RALGPS2: variants seen among roughly 807,000 people sequenced by gnomAD.
RALGPS2 encodes the protein Ral GEF with PH domain and SH3 binding motif 2.
Under a neutral mutation model 86.8 loss-of-function variants are expected in RALGPS2, and 43 were observed. The observed-to-expected ratio is 0.50, with a 90% confidence interval of 0.39 to 0.64. The LOEUF (loss-of-function observed/expected upper bound fraction) is 0.64. RALGPS2 is among the 30% of genes least tolerant of loss of function. RALGPS2 has a pLI of 0.00. For synonymous variants in RALGPS2, 243 were observed against 231.3 expected (o/e 1.05, Z -0.46); for missense variants, 536 against 694.6 (o/e 0.77, Z 2.57).
intron 6 of RALGPS2, among the ~76,000 whole-genome samples, chr1:178,815,331 C>T (rs1655175083): frequency 6.6e-6 from 1 of 152,014 alleles, no homozygotes; most frequent in Non-Finnish European, 1.5e-5. Context: ...GTGATCCTCC[C>T]ATCTCGGCCT....
chr1:178,745,457 C>T (rs921135796), intron 1 of RALGPS2, among the ~76,000 whole-genome samples: 4 of 152,114 alleles, frequency 2.6e-5, no homozygotes, highest in Admixed American at 1.3e-4. Context: ...AGAACAGAGT[C>T]CAGAAGTAAG....
chr1:178,737,183 A>G (rs1442482776), intron 1 of RALGPS2, among the ~76,000 whole-genome samples: 1 of 152,198 alleles, frequency 6.6e-6, no homozygotes, highest in Non-Finnish European at 1.5e-5. Flanking sequence ...TTAATTTCAG[A>G]GATTTTAAAA....
chr1:178,767,519 T>C (rs1652566825), intron 1 of RALGPS2, among the ~76,000 whole-genome samples: 1 of 152,136 alleles, frequency 6.6e-6, no homozygotes, highest in African/African-American at 2.4e-5. Flanking sequence ...GCATTTCTTT[T>C]ATTGGATGTT....
intron 1 of RALGPS2, among the ~76,000 whole-genome samples, chr1:178,731,147 A>G (rs1650322842): frequency 6.6e-6 from 1 of 151,822 alleles, no homozygotes; most frequent in South Asian, 2.1e-4. Context: ...AGATGTGTGT[A>G]TTGCTGAAAA....
intron 10 of RALGPS2, 135 bp from the exon 11 acceptor site, chr1:178,883,331 C>G: frequency 1.5e-6 from 1 of 645,946 alleles, no homozygotes; most frequent in Non-Finnish European, 2.7e-6. Context: ...GAAGATTGCT[C>G]TTGAAGAAAA....
chr1:178,759,117 G>A (rs1043881409), intron 1 of RALGPS2, among the ~76,000 whole-genome samples: 4 of 152,216 alleles, frequency 2.6e-5, no homozygotes, highest in Non-Finnish European at 5.9e-5. Flanking sequence ...GCCTGTGCTT[G>A]TGGGGTGTTA....
chr1:178,850,524 A>G (rs1184250908), intron 8 of RALGPS2: 1 of 152,064 alleles, frequency 6.6e-6, no homozygotes, highest in Non-Finnish European at 1.5e-5. Context: ...TATTTTTAAA[A>G]ATGATATGTA....
intron 8 of RALGPS2, chr1:178,865,113 G>T: frequency 6.3e-7 from 1 of 1,578,856 alleles, no homozygotes; most frequent in Non-Finnish European, 8.6e-7. Flanking sequence ...TTAGGAATAT[G>T]TTGTGGCACC....
At chr1:178,813,716 A>G (rs1270008614) in intron 6 of RALGPS2, among the ~76,000 whole-genome samples, 2 of 152,178 alleles carry the variant, frequency 1.3e-5, no homozygotes, top group African/African-American at 4.8e-5. Context: ...CAGGCTGGAA[A>G]CTCAGGAGTT....
At chr1:178,887,527 C>T (rs1659541707) in intron 13 of RALGPS2, among the ~76,000 whole-genome samples, 1 of 152,164 alleles carries the variant, frequency 6.6e-6, no homozygotes, top group African/African-American at 2.4e-5. Flanking sequence ...AATATGTCTT[C>T]ATCTATGATT....
chr1:178,884,038 G>A (rs1486426759), intron 11 of RALGPS2, among the ~76,000 whole-genome samples: 2 of 152,070 alleles, frequency 1.3e-5, no homozygotes, highest in Non-Finnish European at 2.9e-5. Context: ...AAACAAGTAT[G>A]CTACCTAATC....
intron 19 of RALGPS2, among the ~76,000 whole-genome samples, chr1:178,909,274 G>A (rs1660511429): frequency 6.6e-6 from 1 of 152,072 alleles, no homozygotes; most frequent in African/African-American, 2.4e-5. Context: ...TGTTCCATTG[G>A]TATCTGTTTT....
At chr1:178,798,047 A>G (rs1373234142) in intron 4 of RALGPS2, among the ~76,000 whole-genome samples, 1 of 151,256 alleles carries the variant, frequency 6.6e-6, no homozygotes, top group Non-Finnish European at 1.5e-5. Context: ...AGAAAAAGGG[A>G]TGGCGTGAAT....
intron 1 of RALGPS2, among the ~76,000 whole-genome samples, chr1:178,758,536 C>G (rs979098693): frequency 2.0e-5 from 3 of 152,040 alleles, no homozygotes; most frequent in African/African-American, 7.2e-5. Context: ...CTTCCTACCC[C>G]CCCTGCCCTC....
At chr1:178,904,518 G>C (rs1660312825) in intron 18 of RALGPS2, among the ~76,000 whole-genome samples, 1 of 152,164 alleles carries the variant, frequency 6.6e-6, no homozygotes, top group Non-Finnish European at 1.5e-5. Context: ...ATCTTGAGTT[G>C]ATTTTTGTAT....
At chr1:178,873,501 G>A (rs544522254) in intron 8 of RALGPS2, among the ~76,000 whole-genome samples, 2 of 152,340 alleles carry the variant, frequency 1.3e-5, no homozygotes, top group East Asian at 1.9e-4. Flanking sequence ...TATACCGTGA[G>A]TGGGAGTATG....
chr1:178,873,835 A>G (rs1468546090), intron 8 of RALGPS2, among the ~76,000 whole-genome samples: 5 of 152,178 alleles, frequency 3.3e-5, no homozygotes, highest in Non-Finnish European at 5.9e-5. Context: ...AGAAGACCAT[A>G]TTTTTAAATT....
intron 1 of RALGPS2, among the ~76,000 whole-genome samples, chr1:178,732,444 G>A (rs986818010): frequency 3.3e-5 from 5 of 152,122 alleles, no homozygotes; most frequent in Admixed American, 1.3e-4. Context: ...GACTACAGTT[G>A]CGTGCCACCA....
Position 178,741,934 on chromosome 1 carries a change from G to A in RALGPS2, c.-84+16515G>A, listed in dbSNP as rs576982395. Among the ~76,000 whole-genome samples, 75 of 151,874 alleles carry A rather than the reference G, an allele frequency of 4.9e-4. 1 individual carries two copies. Among genetic ancestry groups the A allele is most frequent in the South Asian group, 4.6e-3 (22 of 4,816 alleles). Reference sequence around the variant, plus strand: ...GGGAGGATCATGAGGTCAGGAGATCGAGACCATCCTGGCCAACATGTTGAG... The same window carrying A: ...GGGAGGATCATGAGGTCAGGAGATCAAGACCATCCTGGCCAACATGTTGAG... On this transcript the variant is annotated intron_variant, in intron 1 of 19. Transcript: ENST00000367635.
Sources: allele counts gnomAD v4.1 joint callset (sites outside exome capture counted in the v4.1 genomes callset), GRCh38; gene constraint gnomAD v4.1.1; transcripts MANE v1.5; gene names NCBI Gene and HGNC (gene_info 2026-07-23, HGNC 2026-07-21).